BMI1: variants seen among roughly 807,000 people sequenced by gnomAD.
The protein encoded by BMI1 is BMI1 proto-oncogene, polycomb ring finger, also known as polycomb complex protein BMI-1.
Under a neutral mutation model 39.1 loss-of-function variants are expected in BMI1, and 9 were observed. The observed-to-expected ratio is 0.23, with a 90% CI of 0.14 to 0.40. BMI1 has a LOEUF of 0.40. Among genes scored for constraint, BMI1 ranks in the 10% least tolerant of loss-of-function variants. The probability of loss-of-function intolerance (pLI) is 1.00; values close to 1 mark genes in which losing one functional copy is unlikely to be tolerated. For missense variants in BMI1, 252 were observed against 390.8 expected (o/e 0.64, Z 2.99); for synonymous variants, 131 against 127.9 (o/e 1.02, Z -0.16).
intron 1 of BMI1, among the ~76,000 whole-genome samples, chr10:22,324,291 T>C (rs1836078373): frequency 6.6e-6 from 1 of 152,228 alleles, no homozygotes; most frequent in South Asian, 2.1e-4. Context: ...TTGCTATCTT[T>C]CTAGGAAAGA....
chr10:22,326,292 C>G (rs1836149239), intron 1 of BMI1, 139 bp from the exon 2 acceptor site: 1 of 1,168,214 alleles, frequency 8.6e-7, no homozygotes, highest in Non-Finnish European at 1.2e-6. Flanking sequence ...TGAGTAAATT[C>G]CTTCTGTAGA....
intron 3 of BMI1, 111 bp downstream of exon 3, chr10:22,327,097 A>G: frequency 8.5e-7 from 1 of 1,181,142 alleles, no homozygotes; most frequent in African/African-American, 1.5e-5. Context: ...ATACATAACT[A>G]ATATGTGTGT....
chr10:22,322,962 G>A (rs1253683725), intron 1 of BMI1, among the ~76,000 whole-genome samples: 2 of 152,172 alleles, frequency 1.3e-5, no homozygotes, highest in African/African-American at 4.8e-5. Flanking sequence ...AGTGGTCACG[G>A]TTCAATATAT....
In BMI1 at chr10:22,329,890, C is replaced by T. The variant is rs1291375182; in HGVS notation, c.*348C>T. ...ATAGTTTGTTAATCTCAACTAACGC[C>T]TACATTACATTCTCCTTGATCGTTC... On this transcript the variant is annotated 3_prime_UTR_variant, in exon 10 of 10. Coordinates refer to ENST00000376663, the MANE Select transcript of BMI1 (RefSeq NM_005180.9). The T allele has an allele frequency of 1.4e-5, 3 of 213,092 alleles. No individual in the cohort carries two copies. Among genetic ancestry groups the T allele is most frequent in the African/African-American group, 6.9e-5 (3 of 43,200 alleles). 13.2% of individuals were successfully genotyped at this position (213,092 alleles called of 1,614,324 possible).
chr10:22,329,436 C>T lies in BMI1; in HGVS notation c.875C>T (p.Thr292Ile). 1.9e-6 allele frequency: 3 copies of T among 1,614,200 alleles called. No individual in the cohort carries two copies. Among genetic ancestry groups the T allele is most frequent in the Non-Finnish European group, 2.5e-6 (3 of 1,180,036 alleles). Reference protein sequence around the residue: ...PHPQFPHISSTMNGTSNSPSG... With the variant: ...PHPQFPHISSIMNGTSNSPSG... Reference sequence around the variant, plus strand: ...CCACAGTTTCCTCACATTTCCAGTACTATGAATGGAACCAGCAACAGCCCC... The same window carrying T: ...CCACAGTTTCCTCACATTTCCAGTATTATGAATGGAACCAGCAACAGCCCC... Residue 292 changes from threonine to isoleucine, a missense_variant, in exon 10 of 10, where the codon ACT (threonine) becomes ATT (isoleucine). By Grantham distance (89) the Thr-to-Ile change is moderately conservative. Transcript: ENST00000376663.
At chr10:22,325,195 G>A (rs565955435) in intron 1 of BMI1, among the ~76,000 whole-genome samples, 1 of 152,318 alleles carries the variant, frequency 6.6e-6, no homozygotes, top group East Asian at 1.9e-4. Context: ...ACAGGAGAGC[G>A]TCACATTAGA....
At chr10:22,327,071 G>A (rs1836171689) in intron 3 of BMI1, 85 bp downstream of exon 3, 2 of 1,454,648 alleles carry the variant, frequency 1.4e-6, no homozygotes, top group East Asian at 2.3e-5. Context: ...TTTCTTCACA[G>A]AAAATTTACT....
chr10:22,329,580 G>T lies in BMI1; in HGVS notation c.*38G>T. ...TTAAGGAAAAAAATTTTAAACCCCT[G>T]ATTTATATAGATATCTTCATGCCAT... On this transcript the variant is annotated 3_prime_UTR_variant, in exon 10 of 10. Coordinates refer to ENST00000376663, the MANE Select transcript of BMI1 (RefSeq NM_005180.9). 6.3e-7 allele frequency: 1 copy of T among 1,587,140 alleles called. No homozygotes were observed. The highest frequency in any genetic ancestry group is 8.6e-7 in the Non-Finnish European group (1 of 1,165,058).
intron 7 of BMI1, 143 bp downstream of exon 7, chr10:22,328,322 G>C (rs1588621186): frequency 1.1e-6 from 1 of 926,960 alleles, no homozygotes; most frequent in Non-Finnish European, 1.5e-6. Flanking sequence ...GTCTACATGT[G>C]ATATTTAATA....
In BMI1 at chr10:22,329,633, G is replaced by A. The variant is rs1176413809; in HGVS notation, c.*91G>A. 7.0e-7 allele frequency: 1 copy of A among 1,429,360 alleles called. No individual in the cohort carries two copies. The highest frequency in any genetic ancestry group is 9.4e-7 in the Non-Finnish European group (1 of 1,068,442). The allele number at this position is 1,429,360 out of a possible 1,614,324, so 88.5% of individuals were successfully genotyped here. On this transcript the variant is annotated 3_prime_UTR_variant, in exon 10 of 10. Coordinates refer to ENST00000376663, the MANE Select transcript of BMI1 (RefSeq NM_005180.9). ...CAGCTTTCTAGATGCTAATACATGT[G>A]ACTATCGTCCAATTTGCTTTCTTTT...
intron 2 of BMI1, 125 bp downstream of exon 2, chr10:22,326,686 C>T (rs1836162116): frequency 6.9e-7 from 1 of 1,450,124 alleles, no homozygotes. Flanking sequence ...AAGGCATTTT[C>T]TTCTCTTGCA....
intron 1 of BMI1, 28 bp from the exon 2 acceptor site, chr10:22,326,403 T>C (rs1836152221): frequency 6.2e-7 from 1 of 1,607,574 alleles, no homozygotes; most frequent in African/African-American, 1.3e-5. Context: ...GTTCTGTGAA[T>C]TATGGCCATT....
At chr10:22,328,945 T>G (rs1836223873) in intron 8 of BMI1, 103 bp from the exon 9 acceptor site, 1 of 1,237,444 alleles carries the variant, frequency 8.1e-7, no homozygotes, top group Non-Finnish European at 1.1e-6. Context: ...TTAAAATGTT[T>G]GGAGAATATG....
chr10:22,323,663 T>C (rs1413306723), intron 1 of BMI1, among the ~76,000 whole-genome samples: 1 of 152,218 alleles, frequency 6.6e-6, no homozygotes, highest in African/African-American at 2.4e-5. Context: ...TTTTCCTTCA[T>C]TTTGACATTC....
intron 1 of BMI1, chr10:22,326,215 T>C (rs1836147137): frequency 5.5e-6 from 3 of 540,878 alleles, no homozygotes; most frequent in Non-Finnish European, 9.4e-6. Flanking sequence ...AGGAATGATC[T>C]GAGAGACCAG....
In BMI1 at chr10:22,323,606, T is replaced by G. The variant is rs372308066; in HGVS notation, c.-20+1910T>G. 3.1e-4 allele frequency among the ~76,000 whole-genome samples: 47 copies of G among 152,354 alleles called. 2 individuals carry two copies. Among genetic ancestry groups the G allele is most frequent in the African/African-American group, 9.9e-4 (41 of 41,584 alleles). ...GGCTATGGAGTTCATTTGCATTTCT[T>G]AGATTGCAGTAGGCAAGCTGATGGT... On this transcript the variant is annotated intron_variant, in intron 1 of 9. Transcript: ENST00000376663.
At chr10:22,323,092 TA>T (rs1029908376) in intron 1 of BMI1, among the ~76,000 whole-genome samples, 5 of 152,226 alleles carry the variant, frequency 3.3e-5, no homozygotes, top group African/African-American at 1.2e-4. Flanking sequence ...ACCTATATTT[TA>T]TAGGAACCTT....
intron 2 of BMI1, 118 bp downstream of exon 2, chr10:22,326,679 G>A: frequency 6.8e-7 from 1 of 1,479,078 alleles, no homozygotes; most frequent in Non-Finnish European, 9.0e-7. Context: ...AGTGGTGAAG[G>A]CATTTTCTTC....
intron 2 of BMI1, 70 bp downstream of exon 2, chr10:22,326,631 GTT>G (rs1836160185): frequency 6.4e-7 from 1 of 1,570,952 alleles, no homozygotes. Context: ...TTTGAAAACT[GTT>G]AATGATTCCT....
Sources: allele counts gnomAD v4.1 joint callset (sites outside exome capture counted in the v4.1 genomes callset), GRCh38; gene constraint gnomAD v4.1.1; transcripts MANE v1.5; gene names NCBI Gene and HGNC (gene_info 2026-07-23, HGNC 2026-07-21).